ALG13: variants seen among roughly 807,000 people sequenced by gnomAD.
ALG13 encodes UDP-N-acetylglucosamine transferase subunit ALG13.
A neutral mutation model predicts 87.8 loss-of-function variants in ALG13; 11 were observed. That is an observed-to-expected ratio of 0.13 (90% CI 0.08 to 0.21). The LOEUF (loss-of-function observed/expected upper bound fraction) is 0.21, where lower values mean the gene tolerates loss of function less well. ALG13 is among the 10% of genes least tolerant of loss of function. ALG13 has a pLI of 1.00. For missense variants in ALG13, 756 were observed against 866.1 expected (o/e 0.87, Z 1.60); for synonymous variants, 320 against 306.3 (o/e 1.04, Z -0.47).
rs1287566498 is a variant in ALG13, at chrX:111,682,443, T to A, written c.244+149T>A. 2.5e-4 allele frequency: 94 copies of A among 372,194 alleles called. No individual in the cohort carries two copies. The East Asian group carries it at 4.1e-3, about 16-fold the overall frequency. 30.7% of individuals were successfully genotyped at this position (372,194 alleles called of 1,213,427 possible). A position where few individuals can be genotyped will look rare whatever the true frequency, so the allele number is the denominator to read the frequency against. ...CATCACCTAGGTATTAAGCCCAGCA[T>A]CCATTAGCTTTTTATCCTGATGCTC... On this transcript the variant is annotated intron_variant, in intron 2 of 26. Transcript: ENST00000394780.
intron 3 of ALG13, chrX:111,685,327 G>A: frequency 5.8e-6 from 2 of 347,108 alleles, no homozygotes; most frequent in Non-Finnish European, 9.9e-6. Flanking sequence ...TTGCATATGT[G>A]AATATCTGAG....
chrX:111,719,284 C>CA (rs1447392409), intron 10 of ALG13, among the ~76,000 whole-genome samples: 10 of 110,805 alleles, frequency 9.0e-5, no homozygotes, highest in Non-Finnish European at 1.9e-4. Flanking sequence ...CTCGGCCTCC[C>CA]AAAGTGCTGG....
intron 9 of ALG13, 22 bp from the exon 10 acceptor site, chrX:111,718,090 A>G: frequency 8.7e-7 from 1 of 1,146,916 alleles, no homozygotes; most frequent in Non-Finnish European, 1.2e-6. Flanking sequence ...GACAATTGGA[A>G]TTTTGACCAT....
At chrX:111,736,628 T>C in intron 22 of ALG13, 86 bp from the exon 23 acceptor site, 1 of 888,450 alleles carries the variant, frequency 1.1e-6, no homozygotes, top group Admixed American at 2.9e-5. Context: ...TCTAAACTAA[T>C]TACTATTTTC....
In ALG13 at chrX:111,687,957, A is replaced by C. The variant is rs774606792; in HGVS notation, c.383+2854A>C. On this transcript the variant is annotated intron_variant, in intron 3 of 26. Coordinates refer to ENST00000394780, the MANE Select transcript of ALG13 (RefSeq NM_001099922.3). ...ATGTTATCCTCCTGGCCAGCCAGAAAAATTTTCTGCATTTTTGGATAAAGT... is the reference window on the plus strand; with the variant it reads ...ATGTTATCCTCCTGGCCAGCCAGAACAATTTTCTGCATTTTTGGATAAAGT... 5.9e-6 allele frequency: 7 copies of C among 1,177,078 alleles called. No homozygotes were observed. The South Asian group carries it at 1.2e-4, about 20-fold the overall frequency.
chrX:111,729,524 G>A (rs1315641799), intron 19 of ALG13, among the ~76,000 whole-genome samples: 3 of 111,538 alleles, frequency 2.7e-5, no homozygotes, highest in Non-Finnish European at 5.6e-5. Context: ...CTCTTATTTA[G>A]ATGACCCTTT....
At chrX:111,720,205 T>G in intron 11 of ALG13, 35 bp downstream of exon 11, 1 of 1,026,048 alleles carries the variant, frequency 9.7e-7, no homozygotes, top group Non-Finnish European at 1.3e-6. Context: ...ATTTTCATAG[T>G]CTTGGCTTGC....
chrX:111,749,547 A>G (rs1892298634), intron 24 of ALG13, among the ~76,000 whole-genome samples: 2 of 109,963 alleles, frequency 1.8e-5, no homozygotes, highest in Non-Finnish European at 3.8e-5. Flanking sequence ...TTTATAATCT[A>G]TGGCTCAATT....
intron 3 of ALG13, among the ~76,000 whole-genome samples, chrX:111,693,161 ATTC>A (rs1372194549): frequency 2.1e-5 from 2 of 94,351 alleles, no homozygotes; most frequent in African/African-American, 3.9e-5. Context: ...ACAGTTTTTA[ATTC>A]TTTTTTTTTT....
rs1939106228 is a variant in ALG13 at position 111,708,104 on chromosome X, CA to C, written c.463del (p.Thr155LeufsTer6). 1 of 1,209,831 alleles carries C rather than the reference CA, an allele frequency of 8.3e-7. No individual in the cohort carries two copies. The highest frequency in any genetic ancestry group is 1.1e-6 in the Non-Finnish European group (1 of 895,144). ...TGCCAAGATTCTGCAGCGCTGACTTCAACTGCCTTTTCAGGCCTAGACTTTG... is the reference window on the plus strand; with the variant it reads ...TGCCAAGATTCTGCAGCGCTGACTTCACTGCCTTTTCAGGCCTAGACTTTG... ...GKCQDSAALT[S>X]TAFSGLDFGL... On this transcript the variant is annotated frameshift_variant, in exon 4 of 27. Transcript: ENST00000394780. LOFTEE classifies it high-confidence loss of function.
chrX:111,689,813 G>A, intron 3 of ALG13: 2 of 753,199 alleles, frequency 2.7e-6, no homozygotes, highest in South Asian at 6.7e-5. Flanking sequence ...CTTTATAGTT[G>A]TTTGCCTAGT....
Position 111,681,254 on chromosome X carries a change from C to T in ALG13, c.36C>T (p.Ser12=), listed in dbSNP as rs1933034901. The change falls in exon 1 of 27, where the codon AGC becomes AGT. Residue 12 remains serine (S), a synonymous_variant. Coordinates refer to ENST00000394780, the MANE Select transcript of ALG13 (RefSeq NM_001099922.3). ...KCVFVTVGTT[S]FDDLIACVSA... ...TGTTTGTTACCGTAGGGACCACCAG[C>T]TTTGACGACCTCATTGCGTGTGTGT... 1 of 1,212,363 alleles carries T rather than the reference C, an allele frequency of 8.2e-7. No homozygotes were observed. The highest frequency in any genetic ancestry group is 1.8e-5 in the South Asian group (1 of 57,028).
chrX:111,736,689 T>C, intron 22 of ALG13, 25 bp from the exon 23 acceptor site: 1 of 1,195,951 alleles, frequency 8.4e-7, no homozygotes. Context: ...ACTTAAGAGT[T>C]TTGAACTTTC....
In ALG13 at chrX:111,726,822, G is replaced by C. The variant is rs1020290583; in HGVS notation, c.1743G>C (p.Met581Ile). The C allele has an allele frequency of 1.7e-6, 2 of 1,208,783 alleles. No homozygotes were observed. The highest frequency in any genetic ancestry group is 2.2e-6 in the Non-Finnish European group (2 of 894,776). The change falls in exon 16 of 27, where the codon ATG (methionine) becomes ATC (isoleucine). Residue 581 changes from methionine (M) to isoleucine (I), a missense_variant. Met to Ile is a conservative substitution (Grantham distance 10). This residue lies in a region of ALG13 where 362 missense variants were observed against 383.5 expected (regional missense o/e 0.94). Coordinates refer to ENST00000394780, the MANE Select transcript of ALG13 (RefSeq NM_001099922.3). Reference protein sequence around the residue: ...GYVPEIVISEMDIKQQKKMFK... With the variant: ...GYVPEIVISEIDIKQQKKMFK... ...TTTGCCTGAAAGTTATATCAGAGAT[G>C]GACATAAAGCAACAGAAGAAGATGT...
intron 2 of ALG13, among the ~76,000 whole-genome samples, chrX:111,683,289 G>A (rs1933980989): frequency 9.9e-6 from 1 of 101,048 alleles, no homozygotes; most frequent in South Asian, 4.3e-4. Context: ...TGGAGTTTAT[G>A]TTCTTTTTTT....
intron 23 of ALG13, 81 bp downstream of exon 23, chrX:111,736,960 A>G (rs1943306076): frequency 6.3e-6 from 5 of 788,855 alleles, no homozygotes; most frequent in Admixed American, 3.6e-5. Flanking sequence ...TGGTAATTAC[A>G]TACCATTACT....
chrX:111,690,408 A>T, intron 3 of ALG13: 1 of 751,842 alleles, frequency 1.3e-6, no homozygotes, highest in Non-Finnish European at 1.6e-6. Flanking sequence ...ATGAAAAGAG[A>T]TGTGATGTTT....
chrX:111,734,401 A>G (rs1943030985), intron 21 of ALG13: 1 of 112,006 alleles, frequency 8.9e-6, no homozygotes, highest in African/African-American at 3.2e-5. Context: ...AGACTTTGGA[A>G]TTGTCCATGT....
At chrX:111,737,612 A>G (rs1943362807) in intron 23 of ALG13, among the ~76,000 whole-genome samples, 1 of 112,053 alleles carries the variant, frequency 8.9e-6, no homozygotes, top group Non-Finnish European at 1.9e-5. Flanking sequence ...ACAAACCACT[A>G]GTCACAAGAC....
Sources: allele counts gnomAD v4.1 joint callset (sites outside exome capture counted in the v4.1 genomes callset), GRCh38; gene constraint gnomAD v4.1.1; regional missense constraint gnomAD v4.1.1; transcripts MANE v1.5; gene names NCBI Gene and HGNC (gene_info 2026-07-23, HGNC 2026-07-21).